PPM1L: variants seen among roughly 807,000 people sequenced by gnomAD.
PPM1L encodes the protein protein phosphatase 1L.
A neutral mutation model predicts 31.4 loss-of-function variants in PPM1L; 13 were observed. The observed-to-expected ratio is 0.41, with a 90% CI of 0.27 to 0.66. PPM1L has a LOEUF of 0.66. PPM1L is among the 30% of genes least tolerant of loss of function. PPM1L has a pLI of 0.29. For missense variants in PPM1L, 326 were observed against 453.7 expected (o/e 0.72, Z 2.56); for synonymous variants, 184 against 175.4 (o/e 1.05, Z -0.39).
chr3:160,976,836 A>G (rs938184358), intron 2 of PPM1L, among the ~76,000 whole-genome samples: 8 of 152,024 alleles, frequency 5.3e-5, no homozygotes, highest in African/African-American at 1.9e-4. Context: ...TCCTGGATTC[A>G]TTAATTTTTT....
chr3:160,840,246 A>G (rs528280037), intron 1 of PPM1L, among the ~76,000 whole-genome samples: 15 of 152,254 alleles, frequency 9.9e-5, no homozygotes, highest in Non-Finnish European at 1.6e-4. Flanking sequence ...AATGAAATTG[A>G]GATATTTCTG....
rs1268330612 is a variant in PPM1L at position 161,077,034 on chromosome 3, T to C, written c.*7877T>C. The C allele has an allele frequency of 6.6e-6, 1 of 152,182 alleles. No homozygotes were observed. Among genetic ancestry groups the C allele is most frequent in the African/African-American group, 2.4e-5 (1 of 41,430 alleles). The allele number at this position is 152,182 out of a possible 1,614,324, so 9.4% of individuals were successfully genotyped here. A position where few individuals can be genotyped will look rare whatever the true frequency, so the allele number is the denominator to read the frequency against. On this transcript the variant is annotated 3_prime_UTR_variant, in exon 4 of 4. Transcript: ENST00000498165. ...GACTGTGTCTGAGTGAATGTATCCA[T>C]GGTGAGCACTCAGGCGCCATCACTG...
intron 1 of PPM1L, among the ~76,000 whole-genome samples, chr3:160,819,914 A>G (rs946852906): frequency 2.0e-5 from 3 of 152,074 alleles, no homozygotes; most frequent in African/African-American, 7.2e-5. Context: ...TTATTTATAT[A>G]CTAATAATGC....
At chr3:161,024,190 G>C (rs1173299760) in intron 2 of PPM1L, among the ~76,000 whole-genome samples, 1 of 151,244 alleles carries the variant, frequency 6.6e-6, no homozygotes, top group Non-Finnish European at 1.5e-5. Flanking sequence ...TCTTGAACCT[G>C]GGAGGCAGAG....
chr3:160,888,688 C>G (rs1440787404), intron 1 of PPM1L, among the ~76,000 whole-genome samples: 1 of 152,168 alleles, frequency 6.6e-6, no homozygotes, highest in Non-Finnish European at 1.5e-5. Context: ...TAATAGACAT[C>G]TACAGAACTC....
chr3:160,797,870 C>A (rs1365573936), intron 1 of PPM1L, among the ~76,000 whole-genome samples: 1 of 152,160 alleles, frequency 6.6e-6, no homozygotes, highest in Admixed American at 6.5e-5. Flanking sequence ...GTAAAGAAGT[C>A]ATCTCTACAA....
At chr3:160,966,619 T>C (rs1227007003) in intron 2 of PPM1L, among the ~76,000 whole-genome samples, 1 of 152,146 alleles carries the variant, frequency 6.6e-6, no homozygotes, top group African/African-American at 2.4e-5. Context: ...GCAAGAAATA[T>C]GGGATTCATT....
chr3:161,011,206 A>G (rs1318372907), intron 2 of PPM1L, among the ~76,000 whole-genome samples: 1 of 152,232 alleles, frequency 6.6e-6, no homozygotes. Flanking sequence ...AGGTGTAAGG[A>G]AGGTATCCAG....
chr3:160,865,430 C>T (rs1712054443), intron 1 of PPM1L, among the ~76,000 whole-genome samples: 1 of 152,090 alleles, frequency 6.6e-6, no homozygotes, highest in South Asian at 2.1e-4. Context: ...ATATCTTTTG[C>T]TATTATAGTA....
intron 2 of PPM1L, among the ~76,000 whole-genome samples, chr3:161,020,197 T>C (rs1718202824): frequency 6.6e-6 from 1 of 152,008 alleles, no homozygotes; most frequent in South Asian, 2.1e-4. Context: ...TATACTCTAA[T>C]ATATACTGGC....
At chr3:161,036,743 G>C (rs991355899) in intron 2 of PPM1L, among the ~76,000 whole-genome samples, 1 of 152,268 alleles carries the variant, frequency 6.6e-6, no homozygotes, top group East Asian at 1.9e-4. Context: ...GTGGTCACCA[G>C]TCAGGGAAGT....
chr3:161,066,945 A>G (rs1406094810), intron 3 of PPM1L, among the ~76,000 whole-genome samples: 1 of 152,212 alleles, frequency 6.6e-6, no homozygotes, highest in Non-Finnish European at 1.5e-5. Context: ...TAATGAAAGC[A>G]TTGGTCAGGT....
chr3:160,965,206 G>C (rs1259534333), intron 2 of PPM1L, among the ~76,000 whole-genome samples: 1 of 151,474 alleles, frequency 6.6e-6, no homozygotes, highest in Non-Finnish European at 1.5e-5. Flanking sequence ...AGCCGAGATC[G>C]CGCCACTGCA....
chr3:160,957,220 G>T (rs1715801432), intron 1 of PPM1L, among the ~76,000 whole-genome samples: 1 of 152,202 alleles, frequency 6.6e-6, no homozygotes, highest in Non-Finnish European at 1.5e-5. Flanking sequence ...CCATAAGCCT[G>T]CAAGGGACAT....
intron 1 of PPM1L, among the ~76,000 whole-genome samples, chr3:160,796,808 G>A (rs559594638): frequency 6.6e-6 from 1 of 152,284 alleles, no homozygotes; most frequent in South Asian, 2.1e-4. Context: ...GAGATAATGT[G>A]CTTTATCAGG....
intron 2 of PPM1L, among the ~76,000 whole-genome samples, chr3:160,982,012 T>C (rs1470675586): frequency 6.6e-6 from 1 of 152,100 alleles, no homozygotes; most frequent in Non-Finnish European, 1.5e-5. Context: ...GTGATCCACC[T>C]GCCTTGGCCT....
chr3:161,007,786 A>G (rs890319875), intron 2 of PPM1L, among the ~76,000 whole-genome samples: 1 of 152,180 alleles, frequency 6.6e-6, no homozygotes, highest in African/African-American at 2.4e-5. Context: ...TACTGTGAGC[A>G]AGATGAGAGC....
chr3:161,063,436 G>A (rs771584238), intron 2 of PPM1L, among the ~76,000 whole-genome samples: 7 of 151,978 alleles, frequency 4.6e-5, no homozygotes, highest in Non-Finnish European at 8.8e-5. Context: ...CTTAAGAATG[G>A]AATTTCAAGC....
chr3:161,054,071 GGA>G (rs1333934504), intron 2 of PPM1L, among the ~76,000 whole-genome samples: 2 of 152,034 alleles, frequency 1.3e-5, no homozygotes, highest in East Asian at 3.9e-4. Context: ...CCATTTTAGG[GGA>G]CCTTCAGTCT....
Sources: allele counts gnomAD v4.1 joint callset (sites outside exome capture counted in the v4.1 genomes callset), GRCh38; gene constraint gnomAD v4.1.1; transcripts MANE v1.5; gene names NCBI Gene and HGNC (gene_info 2026-07-23, HGNC 2026-07-21).